SPMIP2: variants seen among roughly 807,000 people sequenced by gnomAD.
SPMIP2 encodes protein SPMIP2.
the SPMIP2 span, among the ~76,000 whole-genome samples, chr4:159,011,802 G>A: frequency 1.3e-5 from 2 of 151,232 alleles, no homozygotes; most frequent in Admixed American, 6.6e-5. Flanking sequence ...GCTCATGCCT[G>A]TAATCCCAGC....
At chr4:159,022,760 G>A in the SPMIP2 span, among the ~76,000 whole-genome samples, 6 of 152,116 alleles carry the variant, frequency 3.9e-5, no homozygotes, top group Admixed American at 6.6e-5. Flanking sequence ...GGCCGGGCGC[G>A]GTGGCTCACG....
At chr4:158,999,650 A>G in the SPMIP2 span, among the ~76,000 whole-genome samples, 26 of 152,194 alleles carry the variant, frequency 1.7e-4, no homozygotes, top group African/African-American at 6.0e-4. Context: ...ACACCCAGGG[A>G]ACTGGCTGTG....
the SPMIP2 span, chr4:158,960,150 A>C: frequency 1.7e-6 from 1 of 589,282 alleles, no homozygotes; most frequent in Non-Finnish European, 3.0e-6. Flanking sequence ...AGAAATAAAA[A>C]TTCGTAAATT....
At chr4:159,055,432 G>A in the SPMIP2 span, among the ~76,000 whole-genome samples, 1 of 152,212 alleles carries the variant, frequency 6.6e-6, no homozygotes, top group East Asian at 1.9e-4. Flanking sequence ...GCCGGGTGCA[G>A]TGGCTCACCC....
the SPMIP2 span, among the ~76,000 whole-genome samples, chr4:159,044,865 A>T: frequency 2.0e-5 from 3 of 152,118 alleles, no homozygotes; most frequent in African/African-American, 7.2e-5. Context: ...GCCAAGGTGG[A>T]CGGATCACCT....
chr4:158,962,460 T>C, the SPMIP2 span, among the ~76,000 whole-genome samples: 1 of 152,204 alleles, frequency 6.6e-6, no homozygotes, highest in East Asian at 1.9e-4. Context: ...TGAGAATGCA[T>C]AGACACTAAG....
the SPMIP2 span, among the ~76,000 whole-genome samples, chr4:158,910,260 T>G: frequency 6.6e-6 from 1 of 152,084 alleles, no homozygotes; most frequent in South Asian, 2.1e-4. Flanking sequence ...TGGATGATGC[T>G]GTGCAGGTAT....
the SPMIP2 span, among the ~76,000 whole-genome samples, chr4:158,979,132 G>C: frequency 1.3e-5 from 2 of 151,136 alleles, no homozygotes; most frequent in Non-Finnish European, 1.5e-5. Flanking sequence ...GGTGGGCTCC[G>C]GAGACTTTGT....
At chr4:159,064,276 TTTATTA>T in the SPMIP2 span, 3 of 151,984 alleles carry the variant, frequency 2.0e-5, no homozygotes, top group Non-Finnish European at 4.4e-5. Context: ...TTTATTTTTA[TTTATTA>T]TTATTATTAT....
At chr4:158,999,344 A>G in the SPMIP2 span, among the ~76,000 whole-genome samples, 1 of 152,208 alleles carries the variant, frequency 6.6e-6, no homozygotes, top group Non-Finnish European at 1.5e-5. Context: ...AGCCTGGATG[A>G]AATGTGGCAA....
chr4:158,906,542 G>T, the SPMIP2 span: 1 of 151,938 alleles, frequency 6.6e-6, no homozygotes, highest in Non-Finnish European at 1.5e-5. Flanking sequence ...TTCAGCCCAG[G>T]CCCCTCAAAG....
At chr4:159,073,554 A>G in the SPMIP2 span, among the ~76,000 whole-genome samples, 1 of 152,214 alleles carries the variant, frequency 6.6e-6, no homozygotes, top group Non-Finnish European at 1.5e-5. Flanking sequence ...TAATAAAACC[A>G]AAATACCTAA....
the SPMIP2 span, among the ~76,000 whole-genome samples, chr4:158,980,684 C>A: frequency 6.6e-6 from 1 of 152,326 alleles, no homozygotes; most frequent in East Asian, 1.9e-4. Context: ...AGGACATCCA[C>A]TCAGAAGCCC....
chr4:159,056,940 C>T, the SPMIP2 span, among the ~76,000 whole-genome samples: 2 of 152,216 alleles, frequency 1.3e-5, no homozygotes, highest in African/African-American at 4.8e-5. Context: ...AGATACTATT[C>T]TTCTCCTTGC....
chr4:158,980,692 C>T, the SPMIP2 span, among the ~76,000 whole-genome samples: 2 of 152,156 alleles, frequency 1.3e-5, no homozygotes, highest in Admixed American at 6.5e-5. Flanking sequence ...CACTCAGAAG[C>T]CCCATTTGAA....
the SPMIP2 span, among the ~76,000 whole-genome samples, chr4:158,896,569 G>A: frequency 6.6e-6 from 1 of 152,078 alleles, no homozygotes; most frequent in Non-Finnish European, 1.5e-5. Flanking sequence ...TTATAATGTC[G>A]ACGTTTAAAT....
At chr4:158,965,668 T>TA in the SPMIP2 span, among the ~76,000 whole-genome samples, 64,293 of 145,336 alleles carry the variant, frequency 0.44, 14,847 homozygotes, top group African/African-American at 0.6. Flanking sequence ...AGTTTCTATT[T>TA]AAAAAAAAAA....
the SPMIP2 span, among the ~76,000 whole-genome samples, chr4:159,061,931 G>C: frequency 2.0e-5 from 3 of 152,190 alleles, no homozygotes; most frequent in African/African-American, 7.2e-5. Context: ...GCAGTACTGA[G>C]TGATAGCGTG....
At chr4:158,948,624 A>T in the SPMIP2 span, among the ~76,000 whole-genome samples, 1 of 146,750 alleles carries the variant, frequency 6.8e-6, no homozygotes. Flanking sequence ...ATTTGATGAG[A>T]CTTTTTTTAA....
Sources: gnomAD v4.1 joint callset for allele counts (sites outside exome capture counted in the v4.1 genomes callset) on GRCh38, gnomAD v4.1.1 for gene constraint, MANE v1.5 for transcripts, NCBI Gene and HGNC (gene_info 2026-07-23, HGNC 2026-07-21) for gene names.